Variants in MAD1L1 observed in about 807,000 individuals in gnomAD.
MAD1L1 encodes the protein mitotic spindle assembly checkpoint protein MAD1.
In MAD1L1, 95 loss-of-function variants were observed where a neutral mutation model predicts 96.9. The ratio of observed to expected loss-of-function variants is 0.98; its 90% CI spans 0.83 to 1.16. MAD1L1 has a LOEUF of 1.16. Ranked by LOEUF, MAD1L1 falls within the 50% of genes most tolerant of loss-of-function variation. The pLI is 0.00. For missense variants in MAD1L1, 1,007 were observed against 954.4 expected, an observed-to-expected ratio of 1.06 and a Z score of -0.73; for synonymous variants, 473 against 396.6, an observed-to-expected ratio of 1.19 and a Z score of -2.29.
chr7:2,143,044 T>A (rs566307913), intron 11 of MAD1L1, among the ~76,000 whole-genome samples: 1 of 152,148 alleles, frequency 6.6e-6, no homozygotes, highest in South Asian at 2.1e-4. Context: ...AAATTGTACT[T>A]TCCCATTACC....
chr7:2,019,300 C>T (rs1490463283), intron 12 of MAD1L1, among the ~76,000 whole-genome samples: 2 of 152,236 alleles, frequency 1.3e-5, no homozygotes, highest in Non-Finnish European at 2.9e-5. Flanking sequence ...CTGGAACCCT[C>T]ATCCCAGCTG....
chr7:1,988,330 C>T (rs1369556822), intron 14 of MAD1L1, among the ~76,000 whole-genome samples: 2 of 152,188 alleles, frequency 1.3e-5, no homozygotes, highest in Admixed American at 1.3e-4. Context: ...CCGGCCGTCC[C>T]CCGTTCAGGT....
At chr7:1,985,650 C>T (rs1385486684) in intron 14 of MAD1L1, among the ~76,000 whole-genome samples, 9 of 152,244 alleles carry the variant, frequency 5.9e-5, no homozygotes, top group Admixed American at 5.2e-4. Flanking sequence ...GAATACATGA[C>T]ATGTAGCACT....
At chr7:2,124,555 A>G (rs1217530056) in intron 11 of MAD1L1, among the ~76,000 whole-genome samples, 2 of 152,214 alleles carry the variant, frequency 1.3e-5, no homozygotes, top group East Asian at 1.9e-4. Flanking sequence ...CAGACTGCCC[A>G]GGGGTGCAGT....
At chr7:2,092,857 G>T (rs538599690) in intron 11 of MAD1L1, among the ~76,000 whole-genome samples, 2 of 151,934 alleles carry the variant, frequency 1.3e-5, no homozygotes, top group African/African-American at 4.8e-5. Flanking sequence ...AAAACTCATC[G>T]TCCAACCCCA....
At chr7:2,137,631 C>A (rs1172399389) in intron 11 of MAD1L1, among the ~76,000 whole-genome samples, 3 of 152,212 alleles carry the variant, frequency 2.0e-5, no homozygotes, top group Non-Finnish European at 4.4e-5. Context: ...CAGGTGCAGA[C>A]AGGCTTGTGC....
chr7:1,863,163 G>A (rs1784611519), intron 18 of MAD1L1, among the ~76,000 whole-genome samples: 1 of 152,272 alleles, frequency 6.6e-6, no homozygotes, highest in African/African-American at 2.4e-5. Context: ...AGCGCACGAG[G>A]AGGCCGCCTC....
chr7:1,871,865 TGGAGGGGACAG>T (rs1298719780), intron 18 of MAD1L1, among the ~76,000 whole-genome samples: 1 of 151,996 alleles, frequency 6.6e-6, no homozygotes, highest in African/African-American at 2.4e-5. Flanking sequence ...GGAGGGGACA[TGGAGGGGACAG>T]GGTCTAGGGT....
intron 18 of MAD1L1, among the ~76,000 whole-genome samples, chr7:1,888,014 T>C (rs1786243991): frequency 6.8e-6 from 1 of 146,760 alleles, no homozygotes; most frequent in Non-Finnish European, 1.5e-5. Context: ...TGCCTGTACG[T>C]GTGTGTGCAT....
At chr7:1,847,644 TG>T (rs1783711748) in intron 18 of MAD1L1, 1 of 470,796 alleles carries the variant, frequency 2.1e-6, no homozygotes, top group Non-Finnish European at 4.4e-6. Context: ...CTCCAGCAGC[TG>T]CCCTCGGCCC....
chr7:1,924,273 G>T (rs963320036), intron 17 of MAD1L1, among the ~76,000 whole-genome samples: 15 of 152,200 alleles, frequency 9.9e-5, no homozygotes, highest in African/African-American at 3.6e-4. Context: ...CTCGCGGCAG[G>T]GTGGCAGGCA....
At chr7:1,835,188 T>C (rs1328701928) in intron 18 of MAD1L1, among the ~76,000 whole-genome samples, 5 of 151,980 alleles carry the variant, frequency 3.3e-5, no homozygotes, top group Non-Finnish European at 7.4e-5. Flanking sequence ...AGGGTATCTA[T>C]GAATGACGTA....
chr7:1,986,127 G>C (rs1172425439), intron 14 of MAD1L1, among the ~76,000 whole-genome samples: 1 of 152,202 alleles, frequency 6.6e-6, no homozygotes, highest in African/African-American at 2.4e-5. Flanking sequence ...GGACAGGCCT[G>C]CTTCCTTTTA....
intron 18 of MAD1L1, among the ~76,000 whole-genome samples, chr7:1,854,007 T>C (rs997417623): frequency 1.3e-5 from 2 of 152,178 alleles, no homozygotes; most frequent in African/African-American, 4.8e-5. Flanking sequence ...TCTCATGCCG[T>C]GCACTGGGAG....
At chr7:2,168,882 G>A (rs1308296736) in intron 10 of MAD1L1, among the ~76,000 whole-genome samples, 1 of 152,244 alleles carries the variant, frequency 6.6e-6, no homozygotes. Context: ...GCCAGGGATT[G>A]TGGCTGAAGC....
intron 11 of MAD1L1, among the ~76,000 whole-genome samples, chr7:2,081,536 C>T (rs1785647608): frequency 6.6e-6 from 1 of 152,166 alleles, no homozygotes; most frequent in Non-Finnish European, 1.5e-5. Context: ...GGGCCGGAAC[C>T]CACCCCACAC....
At chr7:2,073,498 A>C (rs1200503364) in intron 11 of MAD1L1, among the ~76,000 whole-genome samples, 1 of 151,928 alleles carries the variant, frequency 6.6e-6, no homozygotes, top group Non-Finnish European at 1.5e-5. Context: ...ATCTGTACTG[A>C]CTTCAGATGG....
chr7:2,069,227 C>G lies in MAD1L1; in HGVS notation c.1185G>C (p.Arg395=), dbSNP rs372494433. ...KKRETHEALA[R]RLQKRVLLLT... is the part of the protein sequence containing the mutation. The stretch of plus-strand genomic sequence containing the variant: ...GCAGCAGGACCCGTTTCTGGAGCCT[C>G]CGGGCCAGCGCCTCGTGGGTCTCGC... The change falls in exon 12 of 19, where the codon CGG becomes CGC. Residue 395 remains arginine (R), a synonymous_variant. Transcript: ENST00000265854. 8.1e-6 allele frequency: 13 copies of G among 1,609,188 alleles called. No individual in the cohort carries two copies. Among genetic ancestry groups the G allele is most frequent in the Non-Finnish European group, 1.1e-5 (13 of 1,178,136 alleles).
intron 18 of MAD1L1, among the ~76,000 whole-genome samples, chr7:1,868,385 TTCCCGGGCTGCTCCCACGCAGGCCGCGCC>T (rs1347677229): frequency 1.6e-4 from 24 of 152,290 alleles, no homozygotes; most frequent in East Asian, 7.7e-4. Flanking sequence ...CACACCACGC[TTCCCGGGCTGCTCCCACGCAGGCCGCGCC>T]TCCCGGGCTG....
Sources: allele counts gnomAD v4.1 joint callset (sites outside exome capture counted in the v4.1 genomes callset), GRCh38; gene constraint gnomAD v4.1.1; transcripts MANE v1.5; gene names NCBI Gene and HGNC (gene_info 2026-07-23, HGNC 2026-07-21).